The following GPA33 variants were observed in gnomAD, a reference collection of about 807,000 sequenced individuals.
The protein encoded by GPA33 is cell surface A33 antigen.
GPA33 carries 27 observed loss-of-function variants against 35.6 expected under a neutral mutation model. The ratio of observed to expected loss-of-function variants is 0.76; its 90% confidence interval spans 0.56 to 1.04. The LOEUF is 1.04. GPA33 is among the 50% of genes least tolerant of loss of function. The pLI is 0.00. For synonymous variants in GPA33, 176 were observed against 164.0 expected, an observed-to-expected ratio of 1.07 and a Z score of -0.56; for missense variants, 428 against 411.9, an observed-to-expected ratio of 1.04 and a Z score of -0.34.
At chr1:167,063,541 A>C (rs1475763897) in intron 4 of GPA33, 41 bp downstream of exon 4, 1 of 1,560,002 alleles carries the variant, frequency 6.4e-7, no homozygotes, top group African/African-American at 1.4e-5. Context: ...CATGTGTTGC[A>C]CTTTGACGTG....
intron 2 of GPA33, among the ~76,000 whole-genome samples, chr1:167,072,701 A>C (rs1334840700): frequency 6.6e-6 from 1 of 152,242 alleles, no homozygotes; most frequent in Non-Finnish European, 1.5e-5. Context: ...ATGTTGAAAA[A>C]TGAGATAGAT....
chr1:167,069,134 C>G lies in GPA33; in HGVS notation c.203G>C (p.Arg68Thr), dbSNP rs763271130. ...WDKLLLTHTERVVIWPFSNKN... is the reference protein window; with the variant it reads ...WDKLLLTHTETVVIWPFSNKN... ...GTTTGAAAACGGCCAGATGACCACC[C>G]TTTCCTGGAGAGAGAAGAAATGGCA... The change falls in exon 3 of 7, where the codon AGG becomes ACG. Residue 68 changes from arginine (R) to threonine (T), a missense_variant. By Grantham distance (71) the Arg-to-Thr change is moderately conservative. Coordinates refer to ENST00000367868, the MANE Select transcript of GPA33 (RefSeq NM_005814.3). The G allele has an allele frequency of 1.9e-6, 3 of 1,611,232 alleles. No individual in the cohort carries two copies. In the South Asian group the frequency reaches 3.3e-5, roughly 18 times the overall value.
In GPA33 at chr1:167,055,069, A is replaced by G. The variant is rs1666209688; in HGVS notation, c.734T>C (p.Val245Ala). 6.2e-7 allele frequency: 1 copy of G among 1,613,332 alleles called. No homozygotes were observed. The highest frequency in any genetic ancestry group is 1.3e-5 in the African/African-American group (1 of 74,914). ...GCCAATGATAATGAGGGCTGCAACC[A>G]CGCCCACCGCGATGCCCACATACAG... ...VALYVGIAVG[V>A]VAALIIIGII... Residue 245 changes from valine (V) to alanine (A), a missense_variant, in exon 6 of 7, where the codon GTG (valine) becomes GCG (alanine). Val to Ala is a moderately conservative substitution (Grantham distance 64). Transcript: ENST00000367868.
At chr1:167,070,945 G>A (rs752269545) in intron 2 of GPA33, among the ~76,000 whole-genome samples, 2 of 152,102 alleles carry the variant, frequency 1.3e-5, no homozygotes, top group Non-Finnish European at 2.9e-5. Flanking sequence ...AATGTTTTAT[G>A]AATAAACAAT....
chr1:167,068,106 AT>A (rs1242264763), intron 3 of GPA33, among the ~76,000 whole-genome samples: 3 of 151,938 alleles, frequency 2.0e-5, no homozygotes, highest in African/African-American at 4.8e-5. Context: ...AATAAATTTA[AT>A]TTAAATTAAA....
chr1:167,056,720 A>G (rs879081075), intron 4 of GPA33, among the ~76,000 whole-genome samples: 79 of 3,768 alleles, frequency 0.021, 2 homozygotes, highest in Middle Eastern at 0.083. Context: ...GTGTGTGTGT[A>G]GTGTGTGATG....
intron 4 of GPA33, among the ~76,000 whole-genome samples, chr1:167,060,433 C>T (rs1263573102): frequency 1.3e-5 from 2 of 152,216 alleles, no homozygotes; most frequent in Non-Finnish European, 2.9e-5. Context: ...GCTTTGAGAA[C>T]TCTGCCCTCA....
intron 4 of GPA33, among the ~76,000 whole-genome samples, chr1:167,057,041 G>A (rs1417077811): frequency 6.6e-6 from 1 of 150,398 alleles, no homozygotes; most frequent in Non-Finnish European, 1.5e-5. Flanking sequence ...TGCATGTGTA[G>A]TGTGTGTGGT....
intron 4 of GPA33, among the ~76,000 whole-genome samples, chr1:167,056,693 G>GT (rs1558001853): frequency 7.2e-4 from 2 of 2,772 alleles, no homozygotes; most frequent in Non-Finnish European, 8.8e-4. Flanking sequence ...GTGTGTGGTG[G>GT]GTGTGTGGTG....
intron 3 of GPA33, among the ~76,000 whole-genome samples, chr1:167,067,114 G>A (rs977390010): frequency 8.6e-5 from 13 of 152,016 alleles, no homozygotes; most frequent in Non-Finnish European, 1.6e-4. Flanking sequence ...TTAAAAAAAT[G>A]GGCTCTTTCT....
At chr1:167,076,155 A>C (rs571350986) in intron 1 of GPA33, among the ~76,000 whole-genome samples, 32 of 152,338 alleles carry the variant, frequency 2.1e-4, no homozygotes, top group African/African-American at 7.2e-4. Context: ...TTTTTCCCAA[A>C]ATATGTGTAT....
chr1:167,077,708 A>C (rs1666852364), intron 1 of GPA33, among the ~76,000 whole-genome samples: 1 of 152,234 alleles, frequency 6.6e-6, no homozygotes, highest in African/African-American at 2.4e-5. Context: ...GATTAAAGGA[A>C]TGTTAAGTCA....
chr1:167,074,323 T>C (rs1666780233), intron 1 of GPA33, among the ~76,000 whole-genome samples: 1 of 151,944 alleles, frequency 6.6e-6, no homozygotes, highest in Non-Finnish European at 1.5e-5. Flanking sequence ...TCCCTTGCGA[T>C]GCTCACCCTG....
intron 1 of GPA33, among the ~76,000 whole-genome samples, chr1:167,087,976 C>T (rs1667088046): frequency 6.6e-6 from 1 of 150,898 alleles, no homozygotes; most frequent in African/African-American, 2.4e-5. Flanking sequence ...CTTTTAAACT[C>T]CCTACTTTAA....
chr1:167,054,774 A>T (rs1041950043), intron 6 of GPA33, among the ~76,000 whole-genome samples: 23 of 152,126 alleles, frequency 1.5e-4, no homozygotes, highest in Non-Finnish European at 2.4e-4. Flanking sequence ...GAGCTCCCAG[A>T]CTGGAAAACC....
chr1:167,084,729 T>C (rs557066175), intron 1 of GPA33, among the ~76,000 whole-genome samples: 1 of 152,342 alleles, frequency 6.6e-6, no homozygotes, highest in African/African-American at 2.4e-5. Flanking sequence ...GAAGTGGGTC[T>C]TCCAATGCCG....
At chr1:167,078,191 C>A (rs996362981) in intron 1 of GPA33, among the ~76,000 whole-genome samples, 4 of 152,198 alleles carry the variant, frequency 2.6e-5, no homozygotes, top group Non-Finnish European at 5.9e-5. Context: ...TTCAGTCAAC[C>A]AACAAGTATT....
intron 3 of GPA33, among the ~76,000 whole-genome samples, chr1:167,064,308 AGAAAAAG>A (rs1413671347): frequency 1.7e-5 from 2 of 120,052 alleles, no homozygotes; most frequent in Admixed American, 9.3e-5. Flanking sequence ...AAAGAAAAAA[AGAAAAAG>A]AAAGAAAGAA....
chr1:167,090,198 A>T (rs371270165), intron 1 of GPA33, 47 bp downstream of exon 1: 181 of 1,459,276 alleles, frequency 1.2e-4, no homozygotes, highest in Non-Finnish European at 1.6e-4. Flanking sequence ...CTAGGTCCCC[A>T]TGTCTCACCC....
Sources: allele counts gnomAD v4.1 joint callset (sites outside exome capture counted in the v4.1 genomes callset), GRCh38; gene constraint gnomAD v4.1.1; transcripts MANE v1.5; gene names NCBI Gene and HGNC (gene_info 2026-07-23, HGNC 2026-07-21).